TTC17: variants seen among roughly 807,000 people sequenced by gnomAD.
The protein encoded by TTC17 is tetratricopeptide repeat protein 17.
Under a neutral mutation model 143.8 loss-of-function variants are expected in TTC17, and 58 were observed. The ratio of observed to expected loss-of-function variants is 0.40; its 90% CI spans 0.33 to 0.50. The LOEUF (loss-of-function observed/expected upper bound fraction) is 0.50, where lower values mean the gene tolerates loss of function less well. Ranked by LOEUF, TTC17 falls within the 20% of genes least tolerant of loss-of-function variation. TTC17 has a pLI of 0.49. For synonymous variants in TTC17, 501 were observed against 497.8 expected (o/e 1.01, Z -0.09); for missense variants, 1,273 against 1,392.5 (o/e 0.91, Z 1.37).
At chr11:43,419,565 G>A (rs932718325) in intron 16 of TTC17, among the ~76,000 whole-genome samples, 4 of 152,120 alleles carry the variant, frequency 2.6e-5, no homozygotes, top group African/African-American at 9.7e-5. Flanking sequence ...GGATTATCCA[G>A]CATATATACT....
chr11:43,393,619 G>A (rs928568124), intron 5 of TTC17, among the ~76,000 whole-genome samples: 2 of 152,148 alleles, frequency 1.3e-5, no homozygotes, highest in African/African-American at 2.4e-5. Context: ...CCGAAGGACA[G>A]GGGGAGGATG....
At chr11:43,493,159 T>A (rs1948502176) in intron 23 of TTC17, among the ~76,000 whole-genome samples, 1 of 152,218 alleles carries the variant, frequency 6.6e-6, no homozygotes, top group South Asian at 2.1e-4. Flanking sequence ...AACCAGTAGA[T>A]TTGGGCTCTT....
At chr11:43,457,433 A>G (rs995393066) in intron 21 of TTC17, among the ~76,000 whole-genome samples, 12 of 152,156 alleles carry the variant, frequency 7.9e-5, no homozygotes, top group Non-Finnish European at 1.3e-4. Context: ...AGAAAAAAAT[A>G]CTAGATATGC....
At chr11:43,432,382 T>C (rs1046691505) in intron 16 of TTC17, among the ~76,000 whole-genome samples, 1 of 152,198 alleles carries the variant, frequency 6.6e-6, no homozygotes, top group Non-Finnish European at 1.5e-5. Context: ...GAAATACCCT[T>C]TTTGGAGTTT....
At chr11:43,444,284 G>C in intron 18 of TTC17, 75 bp downstream of exon 18, 1 of 1,468,522 alleles carries the variant, frequency 6.8e-7, no homozygotes, top group Non-Finnish European at 9.1e-7. Context: ...GGTTGTATTT[G>C]TAACTTGAAA....
chr11:43,446,107 C>G (rs1335219555), intron 18 of TTC17: 3 of 1,438,064 alleles, frequency 2.1e-6, no homozygotes, highest in African/African-American at 2.8e-5. Context: ...TGTACAAGAC[C>G]CTTTACAGCC....
intron 2 of TTC17, among the ~76,000 whole-genome samples, chr11:43,384,449 A>G (rs1554984964): frequency 6.6e-6 from 1 of 152,154 alleles, no homozygotes; most frequent in Non-Finnish European, 1.5e-5. Context: ...TGAGCCCGGG[A>G]GTTCGAGACC....
Position 43,485,865 on chromosome 11 carries a change from G to T in TTC17, c.3031-4374G>T, listed in dbSNP as rs1331433764. Among the ~76,000 whole-genome samples the T allele has an allele frequency of 2.0e-5, 3 of 149,788 alleles. 1 individual carries two copies. Among genetic ancestry groups the T allele is most frequent in the Non-Finnish European group, 4.4e-5 (3 of 67,684 alleles). On this transcript the variant is annotated intron_variant, in intron 21 of 23. Coordinates refer to ENST00000039989, the MANE Select transcript of TTC17 (RefSeq NM_018259.6). Reference sequence around the variant, plus strand: ...CATGGCACCTTTGGGAAACAATTTGGCAATCTCTTGGTTTTTTGTTTTTTT... The same window carrying T: ...CATGGCACCTTTGGGAAACAATTTGTCAATCTCTTGGTTTTTTGTTTTTTT...
intron 1 of TTC17, among the ~76,000 whole-genome samples, chr11:43,359,490 G>C (rs1200782842): frequency 6.6e-6 from 1 of 152,162 alleles, no homozygotes; most frequent in African/African-American, 2.4e-5. Context: ...GGCCCTCCCC[G>C]AGGAAATAGA....
intron 18 of TTC17, chr11:43,447,663 T>A (rs1416124995): frequency 5.4e-6 from 1 of 185,396 alleles, no homozygotes; most frequent in Admixed American, 5.8e-5. Context: ...GGAGTTGTCT[T>A]TATAAAATCA....
chr11:43,440,067 T>C (rs974366086), intron 16 of TTC17, among the ~76,000 whole-genome samples: 3 of 152,336 alleles, frequency 2.0e-5, no homozygotes, highest in South Asian at 2.1e-4. Flanking sequence ...GATTTACTTA[T>C]TCCTCTTGCT....
chr11:43,426,047 G>A (rs1212373045), intron 16 of TTC17, among the ~76,000 whole-genome samples: 1 of 152,166 alleles, frequency 6.6e-6, no homozygotes, highest in Non-Finnish European at 1.5e-5. Flanking sequence ...TACATTTCAG[G>A]AAAAAGAGCT....
At chr11:43,379,426 CT>C in intron 2 of TTC17, 104 bp downstream of exon 2, 1 of 1,021,490 alleles carries the variant, frequency 9.8e-7, no homozygotes, top group Non-Finnish European at 1.4e-6. Context: ...AAGTCTGAGT[CT>C]TCTGACTTTT....
chr11:43,409,542 T>TA (rs1858306165), intron 15 of TTC17, among the ~76,000 whole-genome samples: 1 of 152,226 alleles, frequency 6.6e-6, no homozygotes, highest in South Asian at 2.1e-4. Context: ...CTAAGCATCT[T>TA]ACATGTAGTA....
At chr11:43,446,325 T>C in intron 18 of TTC17, 1 of 370,708 alleles carries the variant, frequency 2.7e-6, no homozygotes, top group Non-Finnish European at 4.1e-6. Flanking sequence ...TACTCTTTCC[T>C]CTGTGCAATT....
intron 22 of TTC17, 116 bp downstream of exon 22, chr11:43,490,474 A>G: frequency 7.0e-7 from 1 of 1,418,540 alleles, no homozygotes; most frequent in Non-Finnish European, 9.3e-7. Context: ...ACATATTCCA[A>G]GGAGAGAATG....
chr11:43,389,583 T>G (rs894927511), intron 2 of TTC17, 69 bp from the exon 3 acceptor site: 1 of 1,452,962 alleles, frequency 6.9e-7, no homozygotes, highest in Middle Eastern at 1.9e-4. Flanking sequence ...CAGATTCCCC[T>G]TTCTCTTCAA....
intron 2 of TTC17, among the ~76,000 whole-genome samples, chr11:43,385,118 C>G (rs1332333700): frequency 6.6e-6 from 1 of 152,116 alleles, no homozygotes; most frequent in Non-Finnish European, 1.5e-5. Context: ...TTTTGCAGAT[C>G]TTTATCAGAA....
At chr11:43,428,102 G>A (rs978749696) in intron 16 of TTC17, among the ~76,000 whole-genome samples, 11 of 152,256 alleles carry the variant, frequency 7.2e-5, no homozygotes, top group African/African-American at 2.4e-4. Context: ...TCCAGTAGGA[G>A]CTAACATGTC....
Sources: gnomAD v4.1 joint callset for allele counts (sites outside exome capture counted in the v4.1 genomes callset) on GRCh38, gnomAD v4.1.1 for gene constraint, MANE v1.5 for transcripts, NCBI Gene and HGNC (gene_info 2026-07-23, HGNC 2026-07-21) for gene names.